The following PARD3B variants were observed in gnomAD, a reference collection of about 807,000 sequenced individuals.
PARD3B encodes the protein partitioning defective 3 homolog B.
Under a neutral mutation model 130.2 loss-of-function variants are expected in PARD3B, and 103 were observed. The ratio of observed to expected loss-of-function variants is 0.79; its 90% CI spans 0.67 to 0.93. The LOEUF is 0.93. Among genes scored for constraint, PARD3B ranks in the 40% least tolerant of loss-of-function variants. PARD3B has a pLI of 0.00. For synonymous variants in PARD3B, 583 were observed against 553.2 expected, an observed-to-expected ratio of 1.05 and a Z score of -0.76; for missense variants, 1,609 against 1,499.2, an observed-to-expected ratio of 1.07 and a Z score of -1.21.
At chr2:204,970,834 T>C (rs978907019) in intron 3 of PARD3B, among the ~76,000 whole-genome samples, 2 of 152,236 alleles carry the variant, frequency 1.3e-5, no homozygotes, top group African/African-American at 4.8e-5. Context: ...TGGTATTAGC[T>C]TTATTCTCCT....
chr2:204,578,691 A>T (rs1351871970), intron 1 of PARD3B, among the ~76,000 whole-genome samples: 1 of 152,100 alleles, frequency 6.6e-6, no homozygotes, highest in Non-Finnish European at 1.5e-5. Context: ...TAAAAATTCA[A>T]ATGGTGTCTT....
chr2:205,241,947 T>TA lies in PARD3B; in HGVS notation c.2141-3822dup, dbSNP rs889077107. Among the ~76,000 whole-genome samples, 8 of 151,832 alleles carry TA rather than the reference T, an allele frequency of 5.3e-5. 1 individual carries two copies. The highest frequency in any genetic ancestry group is 1.3e-4 in the Admixed American group (2 of 15,226). ...GGTATTAATTATAACACTTGCCATT[T>TA]AAAAAAAAACTTGGTGGCATGTGTA... On this transcript the variant is annotated intron_variant, in intron 15 of 22. Coordinates refer to ENST00000406610, the MANE Select transcript of PARD3B (RefSeq NM_001302769.2). This position sits in a 1 kb window ranked among gnomAD's most constrained non-coding sequence, Gnocchi z 4.2.
At chr2:205,316,421 C>A (rs1324480325) in intron 18 of PARD3B, among the ~76,000 whole-genome samples, 2 of 152,052 alleles carry the variant, frequency 1.3e-5, no homozygotes, top group East Asian at 3.9e-4. Flanking sequence ...GTAGAATTGA[C>A]CTCCCTGAAG....
intron 18 of PARD3B, among the ~76,000 whole-genome samples, chr2:205,378,832 A>G (rs762327118): frequency 6.6e-5 from 10 of 151,744 alleles, no homozygotes; most frequent in Non-Finnish European, 1.3e-4. Flanking sequence ...GGGTTTCACT[A>G]TGTTGGCCAG....
At chr2:204,548,560 A>G (rs140386370) in intron 1 of PARD3B, among the ~76,000 whole-genome samples, 26 of 152,336 alleles carry the variant, frequency 1.7e-4, no homozygotes, top group Non-Finnish European at 2.4e-4. Context: ...ATAGCCTAGT[A>G]CTATGTATGT....
chr2:205,267,425 T>C (rs997597160), intron 16 of PARD3B, among the ~76,000 whole-genome samples: 5 of 152,112 alleles, frequency 3.3e-5, no homozygotes, highest in African/African-American at 9.7e-5. Context: ...AGGTGCCAAA[T>C]TGTGTGACAC....
chr2:204,773,700 A>G (rs1427591745), intron 2 of PARD3B, among the ~76,000 whole-genome samples: 2 of 151,980 alleles, frequency 1.3e-5, no homozygotes, highest in East Asian at 1.9e-4. Context: ...AATCTCTACT[A>G]TTGCCTTGGA....
At chr2:204,665,506 G>A (rs1475784983) in intron 1 of PARD3B, among the ~76,000 whole-genome samples, 7 of 152,024 alleles carry the variant, frequency 4.6e-5, no homozygotes, top group South Asian at 4.1e-4. Flanking sequence ...AATTATCCAC[G>A]CCTATGATCC....
At position 205,407,676 on chromosome 2, in the gene PARD3B, C is replaced by T. The variant is rs1228284513; in HGVS notation, c.2741+6553C>T. Among the ~76,000 whole-genome samples, 1 of 152,124 alleles carries T rather than the reference C, an allele frequency of 6.6e-6. No homozygotes were observed. The highest frequency in any genetic ancestry group is 1.9e-4 in the East Asian group (1 of 5,192). On this transcript the variant is annotated intron_variant, in intron 19 of 22. Transcript: ENST00000406610. This position sits in a 1 kb window ranked among gnomAD's most constrained non-coding sequence, Gnocchi z 4.1. ...TTGGTTAAAAGAAAAATATGTCCCC[C>T]TCCTCATCATTAATTTAGTATTACT... is the stretch of plus-strand genomic sequence containing the variant.
At chr2:205,521,103 TATTC>T (rs1559173266) in intron 21 of PARD3B, among the ~76,000 whole-genome samples, 2 of 151,842 alleles carry the variant, frequency 1.3e-5, no homozygotes, top group East Asian at 3.9e-4. Context: ...GCCAGCAGCA[TATTC>T]ATTAATACAC....
At chr2:205,465,419 C>T (rs1483342670) in intron 20 of PARD3B, among the ~76,000 whole-genome samples, 2 of 152,116 alleles carry the variant, frequency 1.3e-5, no homozygotes, top group Non-Finnish European at 2.9e-5. Flanking sequence ...AGAGCCTAGA[C>T]GTTTAACCAC....
At chr2:205,426,499 AATG>A (rs1400827718) in intron 19 of PARD3B, among the ~76,000 whole-genome samples, 1 of 152,208 alleles carries the variant, frequency 6.6e-6, no homozygotes, top group Non-Finnish European at 1.5e-5. Context: ...AATCTCTTTT[AATG>A]ATACTACTTC....
At chr2:204,659,018 G>T (rs1180201066) in intron 1 of PARD3B, among the ~76,000 whole-genome samples, 1 of 152,082 alleles carries the variant, frequency 6.6e-6, no homozygotes, top group Non-Finnish European at 1.5e-5. Context: ...AAGTAGCCAG[G>T]CCAGCTATCA....
At chr2:204,877,994 A>G (rs2045906461) in intron 2 of PARD3B, among the ~76,000 whole-genome samples, 1 of 152,212 alleles carries the variant, frequency 6.6e-6, no homozygotes, top group Non-Finnish European at 1.5e-5. Context: ...CAGGTTGTAA[A>G]TGAAAAAGCT....
At chr2:204,668,835 G>C (rs984953829) in intron 1 of PARD3B, among the ~76,000 whole-genome samples, 1 of 152,120 alleles carries the variant, frequency 6.6e-6, no homozygotes, top group East Asian at 1.9e-4. Context: ...TTTACTTTAA[G>C]CTAGAGAGAT....
At position 205,423,192 on chromosome 2, in the gene PARD3B, G is replaced by A. The variant is rs575827349; in HGVS notation, c.2742-17178G>A. ...CCTTCTCTGATGGTTGCTGAGCGGC[G>A]ATTGCCTAAGGCAAATGTTGGCCCA... On this transcript the variant is annotated intron_variant, in intron 19 of 22. Transcript: ENST00000406610. Among the ~76,000 whole-genome samples, 17 of 152,306 alleles carry A rather than the reference G, an allele frequency of 1.1e-4. No homozygotes were observed. In the East Asian group the frequency reaches 2.5e-3, roughly 22 times the overall value.
At chr2:204,841,993 G>A (rs2044274312) in intron 2 of PARD3B, among the ~76,000 whole-genome samples, 1 of 151,828 alleles carries the variant, frequency 6.6e-6, no homozygotes, top group Admixed American at 6.6e-5. Flanking sequence ...ACTTCAGGTT[G>A]GTAATATTCC....
Position 205,116,711 on chromosome 2 carries a change from G to A in PARD3B, c.681-2210G>A, listed in dbSNP as rs2029871946. 6.6e-6 allele frequency among the ~76,000 whole-genome samples: 1 copy of A among 152,098 alleles called. No individual in the cohort carries two copies. The highest frequency in any genetic ancestry group is 1.5e-5 in the Non-Finnish European group (1 of 68,010). ...GGTCTGGATGAAATCAAACTGGAGG[G>A]AATCTATCCCTTCCACGGAGCAGAG... On this transcript the variant is annotated intron_variant, in intron 6 of 22. Coordinates refer to ENST00000406610, the MANE Select transcript of PARD3B (RefSeq NM_001302769.2). This position sits in a 1 kb window ranked among gnomAD's most constrained non-coding sequence, Gnocchi z 4.5.
chr2:204,610,398 T>C lies in PARD3B; in HGVS notation c.120+64279T>C, dbSNP rs2033878092. Among the ~76,000 whole-genome samples the C allele has an allele frequency of 2.0e-5, 3 of 152,194 alleles. No individual in the cohort carries two copies. The highest frequency in any genetic ancestry group is 2.9e-5 in the Non-Finnish European group (2 of 68,034). ...TTTTATGGAGTCTCCCTCTGTTGCC[T>C]AGGCTGGAGGGCAGTGGCACGGTCT... On this transcript the variant is annotated intron_variant, in intron 1 of 22. Transcript: ENST00000406610. The surrounding 1 kb of genome is among the most constrained non-coding windows in gnomAD (Gnocchi z 4.1).
Sources: gnomAD v4.1 joint callset for allele counts (sites outside exome capture counted in the v4.1 genomes callset) on GRCh38, gnomAD v4.1.1 for gene constraint, Gnocchi (gnomAD v3.1) non-coding constraint, MANE v1.5 for transcripts, NCBI Gene and HGNC (gene_info 2026-07-23, HGNC 2026-07-21) for gene names.